VTI1A: variants seen among roughly 807,000 people sequenced by gnomAD.
VTI1A encodes the protein vesicle transport through interaction with t-SNAREs homolog 1A.
In VTI1A, 22 loss-of-function variants were observed where a neutral mutation model predicts 34.9. The ratio of observed to expected loss-of-function variants is 0.63; its 90% CI spans 0.45 to 0.90. The LOEUF is 0.90. Among genes scored for constraint, VTI1A ranks in the 40% least tolerant of loss-of-function variants. The pLI is 0.00. For missense variants in VTI1A, 268 were observed against 275.6 expected (o/e 0.97, Z 0.20); for synonymous variants, 87 against 97.3 (o/e 0.89, Z 0.62).
chr10:112,550,573 C>T (rs778438150), intron 5 of VTI1A, among the ~76,000 whole-genome samples: 7 of 151,994 alleles, frequency 4.6e-5, no homozygotes, highest in Non-Finnish European at 7.4e-5. Flanking sequence ...TGTTTTCCAG[C>T]GTTGCCACAA....
intron 7 of VTI1A, among the ~76,000 whole-genome samples, chr10:112,739,897 T>A (rs767378464): frequency 3.9e-5 from 6 of 152,244 alleles, no homozygotes; most frequent in Admixed American, 1.3e-4. Flanking sequence ...GCTACTCAAA[T>A]AGAACAGTAG....
Position 112,447,298 on chromosome 10 carries a change from G to T in VTI1A, c.-76G>T. 1.3e-6 allele frequency: 2 copies of T among 1,511,074 alleles called. No individual in the cohort carries two copies. Among genetic ancestry groups the T allele is most frequent in the Middle Eastern group, 2.2e-4 (1 of 4,498 alleles). The allele number at this position is 1,511,074 out of a possible 1,614,324, so 93.6% of individuals were successfully genotyped here. Reference sequence around the variant, plus strand: ...GGGCACCTTCCGGGGTTCCTAAGCCGCGGGGCCCCTCGCTGCCCCTCGAGG... The same window carrying T: ...GGGCACCTTCCGGGGTTCCTAAGCCTCGGGGCCCCTCGCTGCCCCTCGAGG... On this transcript the variant is annotated 5_prime_UTR_variant, in exon 1 of 8. Coordinates refer to ENST00000393077, the MANE Select transcript of VTI1A (RefSeq NM_145206.4).
At chr10:112,639,450 T>G (rs1846483240) in intron 5 of VTI1A, among the ~76,000 whole-genome samples, 1 of 152,182 alleles carries the variant, frequency 6.6e-6, no homozygotes, top group Non-Finnish European at 1.5e-5. Flanking sequence ...TTTGAACATG[T>G]TTGTATTTCT....
intron 3 of VTI1A, among the ~76,000 whole-genome samples, chr10:112,470,360 G>A (rs1848035078): frequency 6.6e-6 from 1 of 152,310 alleles, no homozygotes; most frequent in East Asian, 1.9e-4. Flanking sequence ...GTGTGCGTAA[G>A]TACAGGGGCC....
At chr10:112,837,097 C>T in the VTI1A span, among the ~76,000 whole-genome samples, 1 of 152,080 alleles carries the variant, frequency 6.6e-6, no homozygotes, top group Non-Finnish European at 1.5e-5. Flanking sequence ...CCGAGGCAGG[C>T]GGATCACGAG....
At chr10:112,636,382 G>A (rs1846352038) in intron 5 of VTI1A, among the ~76,000 whole-genome samples, 1 of 152,076 alleles carries the variant, frequency 6.6e-6, no homozygotes, top group South Asian at 2.1e-4. Flanking sequence ...TCCTGCCATT[G>A]GATGGTGTGT....
At chr10:112,820,289 G>T (rs1853630836), downstream of VTI1A, among the ~76,000 whole-genome samples, 1 of 152,252 alleles carries the variant, frequency 6.6e-6, no homozygotes, top group African/African-American at 2.4e-5. Context: ...AAGGAAGAAA[G>T]GAAGGAAGGC....
chr10:112,712,953 C>T (rs968794888), intron 7 of VTI1A, among the ~76,000 whole-genome samples: 3 of 152,152 alleles, frequency 2.0e-5, no homozygotes, highest in East Asian at 1.9e-4. Context: ...GTGGGGAGGC[C>T]TCAGAATGCT....
At chr10:112,514,154 T>C (rs964551819) in intron 3 of VTI1A, among the ~76,000 whole-genome samples, 1 of 151,984 alleles carries the variant, frequency 6.6e-6, no homozygotes. Context: ...TTTTCTTTGT[T>C]GGGAGACTTT....
intron 7 of VTI1A, among the ~76,000 whole-genome samples, chr10:112,701,686 C>T (rs1485968817): frequency 1.3e-5 from 2 of 152,054 alleles, no homozygotes; most frequent in African/African-American, 4.8e-5. Flanking sequence ...TGATTAGGAA[C>T]AAAAAAAGTC....
At chr10:112,780,446 A>G (rs1347053630) in intron 7 of VTI1A, among the ~76,000 whole-genome samples, 2 of 152,190 alleles carry the variant, frequency 1.3e-5, no homozygotes, top group Admixed American at 6.5e-5. Flanking sequence ...ACATTATTTC[A>G]GAATCAAACT....
At chr10:112,731,389 A>G (rs1382516953) in intron 7 of VTI1A, among the ~76,000 whole-genome samples, 2 of 152,174 alleles carry the variant, frequency 1.3e-5, no homozygotes, top group Admixed American at 1.3e-4. Flanking sequence ...CCTGCCCAAC[A>G]TGGCGAAACC....
intron 7 of VTI1A, among the ~76,000 whole-genome samples, chr10:112,760,687 G>A (rs1193916647): frequency 6.6e-6 from 1 of 152,072 alleles, no homozygotes; most frequent in Non-Finnish European, 1.5e-5. Context: ...CCAGGAGTTC[G>A]AGACCAGGCT....
At chr10:112,551,673 A>G (rs910817446) in intron 5 of VTI1A, among the ~76,000 whole-genome samples, 1 of 152,232 alleles carries the variant, frequency 6.6e-6, no homozygotes, top group Non-Finnish European at 1.5e-5. Flanking sequence ...TATAGATTCT[A>G]ATAATAAATA....
intron 5 of VTI1A, among the ~76,000 whole-genome samples, chr10:112,661,666 A>C (rs1847456214): frequency 6.6e-6 from 1 of 151,844 alleles, no homozygotes; most frequent in Non-Finnish European, 1.5e-5. Context: ...AGCACCTTGG[A>C]AAGTTGTTCC....
In VTI1A at chr10:112,613,772, C is replaced by T. The variant is rs188500804; in HGVS notation, c.428-54446C>T. Among the ~76,000 whole-genome samples the T allele has an allele frequency of 2.6e-4, 40 of 152,330 alleles. 1 individual carries two copies. Among genetic ancestry groups the T allele is most frequent in the African/African-American group, 9.4e-4 (39 of 41,568 alleles). ...ATCTCCTGACAGGCTCAGTGCACTT[C>T]GTTGCCATGCCAGGCCAGGGCAAGC... On this transcript the variant is annotated intron_variant, in intron 5 of 7. Coordinates refer to ENST00000393077, the MANE Select transcript of VTI1A (RefSeq NM_145206.4).
rs564447568 is a variant in VTI1A at position 112,752,107 on chromosome 10, G to A, written c.561-63183G>A. Among the ~76,000 whole-genome samples, 3 of 152,316 alleles carry A rather than the reference G, an allele frequency of 2.0e-5. No homozygotes were observed. The East Asian group carries it at 5.8e-4, about 29-fold the overall frequency. ...CAAGCTGAGAAGAACCAAAGTCATG[G>A]TATAGACATAACCATACACAGGTAA... On this transcript the variant is annotated intron_variant, in intron 7 of 7. Transcript: ENST00000393077.
intron 5 of VTI1A, among the ~76,000 whole-genome samples, chr10:112,553,137 A>T (rs557775443): frequency 1.3e-5 from 2 of 152,344 alleles, no homozygotes; most frequent in South Asian, 2.1e-4. Context: ...TTGAGGATTT[A>T]AAAAAAGTTA....
At chr10:112,776,458 G>A (rs572542995) in intron 7 of VTI1A, among the ~76,000 whole-genome samples, 1 of 152,114 alleles carries the variant, frequency 6.6e-6, no homozygotes, top group Non-Finnish European at 1.5e-5. Flanking sequence ...GTTCTGGTCT[G>A]TGTCCCGGAA....
Sources: gnomAD v4.1 joint callset for allele counts (sites outside exome capture counted in the v4.1 genomes callset) on GRCh38, gnomAD v4.1.1 for gene constraint, MANE v1.5 for transcripts, NCBI Gene and HGNC (gene_info 2026-07-23, HGNC 2026-07-21) for gene names.